SLC47A2: variants seen among roughly 807,000 people sequenced by gnomAD.
The protein encoded by SLC47A2 is multidrug and toxin extrusion protein 2.
Under a neutral mutation model 67.7 loss-of-function variants are expected in SLC47A2, and 52 were observed. The observed-to-expected ratio is 0.77, with a 90% confidence interval of 0.61 to 0.97. The LOEUF is 0.97. Ranked by LOEUF, SLC47A2 falls within the 50% of genes least tolerant of loss-of-function variation. The pLI is 0.00. For missense variants in SLC47A2, 676 were observed against 712.3 expected, an observed-to-expected ratio of 0.95 and a Z score of 0.58; for synonymous variants, 278 against 292.9, an observed-to-expected ratio of 0.95 and a Z score of 0.52.
chr17:19,702,534 G>T, intron 13 of SLC47A2, 71 bp downstream of exon 13: 6 of 1,593,924 alleles, frequency 3.8e-6, no homozygotes, highest in Non-Finnish European at 4.3e-6. Flanking sequence ...AGCCCTGCGA[G>T]GTCCTGGGGA....
chr17:19,706,399 A>G (rs908159090), intron 9 of SLC47A2, among the ~76,000 whole-genome samples: 2 of 152,218 alleles, frequency 1.3e-5, no homozygotes, highest in African/African-American at 4.8e-5. Flanking sequence ...AAAAGGCCCA[A>G]GTCTGCCTCC....
At chr17:19,697,935 T>TTTAG (rs1191368623) in intron 13 of SLC47A2, among the ~76,000 whole-genome samples, 1 of 152,000 alleles carries the variant, frequency 6.6e-6, no homozygotes. Flanking sequence ...AAATAGAAAT[T>TTTAG]TCACTGAAGG....
chr17:19,679,048 A>G, intron 16 of SLC47A2, 142 bp from the exon 17 acceptor site: 1 of 661,420 alleles, frequency 1.5e-6, no homozygotes. Flanking sequence ...TAGAAAAATA[A>G]CTGCTTTATC....
At chr17:19,704,206 C>T in intron 10 of SLC47A2, 28 bp from the exon 11 acceptor site, 4 of 1,575,538 alleles carry the variant, frequency 2.5e-6, no homozygotes, top group South Asian at 2.3e-5. Flanking sequence ...AAAGCACTGT[C>T]AGTGGGCCCA....
intron 4 of SLC47A2, 112 bp downstream of exon 4, chr17:19,713,713 G>T: frequency 7.0e-7 from 1 of 1,436,802 alleles, no homozygotes; most frequent in Non-Finnish European, 9.3e-7. Flanking sequence ...TGCACTGTGA[G>T]CACTCGTGGC....
intron 13 of SLC47A2, among the ~76,000 whole-genome samples, chr17:19,686,272 A>T (rs2085426633): frequency 6.6e-6 from 1 of 152,130 alleles, no homozygotes; most frequent in South Asian, 2.1e-4. Flanking sequence ...CAAATAAATA[A>T]ATAATATTGC....
chr17:19,690,799 G>T (rs2085523120), intron 13 of SLC47A2, among the ~76,000 whole-genome samples: 1 of 151,990 alleles, frequency 6.6e-6, no homozygotes, highest in Non-Finnish European at 1.5e-5. Flanking sequence ...GGCACTAATG[G>T]ATGCTAGGGA....
chr17:19,716,170 G>A (rs1411805512), intron 1 of SLC47A2: 4 of 456,858 alleles, frequency 8.8e-6, no homozygotes, highest in African/African-American at 2.0e-5. Flanking sequence ...AGGCTTTTGT[G>A]GGTTTCCAGC....
At chr17:19,682,321 A>G (rs2085331444) in intron 13 of SLC47A2, among the ~76,000 whole-genome samples, 1 of 145,340 alleles carries the variant, frequency 6.9e-6, no homozygotes, top group African/African-American at 2.5e-5. Flanking sequence ...CGACAGAGCG[A>G]GACTTGGTCA....
chr17:19,700,913 C>A (rs553855361), intron 13 of SLC47A2, among the ~76,000 whole-genome samples: 1 of 151,956 alleles, frequency 6.6e-6, no homozygotes, highest in East Asian at 1.9e-4. Flanking sequence ...CACCTGTAAT[C>A]CCAGCGCATT....
intron 13 of SLC47A2, among the ~76,000 whole-genome samples, chr17:19,691,313 C>T (rs1437897728): frequency 6.6e-6 from 1 of 152,142 alleles, no homozygotes; most frequent in East Asian, 1.9e-4. Context: ...ATATTTATTG[C>T]ACTATTCACA....
Position 19,713,846 on chromosome 17 carries a change from C to G in SLC47A2, c.422G>C (p.Arg141Pro), listed in dbSNP as rs759258257. 2 of 1,612,884 alleles carry G rather than the reference C, an allele frequency of 1.2e-6. No individual in the cohort carries two copies. The highest frequency in any genetic ancestry group is 2.7e-5 in the African/African-American group (2 of 74,922). Reference sequence around the variant, plus strand: ...GCACCTGGACACGTCCGGGTCCTGCCGGAAGAGCAGCAGGATGTGCTGGGT... The same window carrying G: ...GCACCTGGACACGTCCGGGTCCTGCGGGAAGAGCAGCAGGATGTGCTGGGT... ...LNTQHILLLF[R>P]QDPDVSRLTQ... is the part of the protein sequence containing the mutation. Residue 141 changes from arginine (R) to proline (P), a missense_variant, in exon 4 of 17, where the codon CGG (arginine) becomes CCG (proline). Coordinates refer to ENST00000433844, the MANE Select transcript of SLC47A2 (RefSeq NM_001099646.3).
chr17:19,684,999 C>A (rs1245090581), intron 13 of SLC47A2, among the ~76,000 whole-genome samples: 1 of 152,146 alleles, frequency 6.6e-6, no homozygotes, highest in South Asian at 2.1e-4. Context: ...GCACGCGCTG[C>A]CACTCCTGAC....
At chr17:19,714,308 A>T in intron 3 of SLC47A2, 1 of 379,984 alleles carries the variant, frequency 2.6e-6, no homozygotes, top group African/African-American at 2.0e-5. Context: ...CCGCTTTGTG[A>T]CCCCATGGCC....
At chr17:19,692,345 A>G in intron 13 of SLC47A2, 1 of 415,438 alleles carries the variant, frequency 2.4e-6, no homozygotes, top group Non-Finnish European at 4.7e-6. Context: ...TACCAAAATC[A>G]GAAATGAAAA....
intron 5 of SLC47A2, among the ~76,000 whole-genome samples, chr17:19,709,932 A>G (rs1304148438): frequency 1.3e-5 from 2 of 152,196 alleles, no homozygotes; most frequent in Admixed American, 6.5e-5. Flanking sequence ...GAGCAGCCCT[A>G]TAAGGGGGTT....
rs531244562 is a variant in SLC47A2, at chr17:19,703,433, G to A, written c.1019-266C>T. 2.2e-4 allele frequency among the ~76,000 whole-genome samples: 33 copies of A among 152,366 alleles called. 1 individual carries two copies. In the South Asian group the frequency reaches 6.4e-3, roughly 30 times the overall value. On this transcript the variant is annotated intron_variant, in intron 11 of 16. Coordinates refer to ENST00000433844, the MANE Select transcript of SLC47A2 (RefSeq NM_001099646.3). ...GCTGGCGCAGCAGCATTAGCATCAC[G>A]TGGGAACTTGTTAGAAACAGATTCT...
intron 13 of SLC47A2, among the ~76,000 whole-genome samples, chr17:19,688,854 C>T (rs1177895027): frequency 3.3e-5 from 5 of 150,344 alleles, no homozygotes; most frequent in South Asian, 2.1e-4. Flanking sequence ...CACTGTGCCC[C>T]GCTGGTGATA....
intron 13 of SLC47A2, among the ~76,000 whole-genome samples, chr17:19,691,722 A>G (rs187837397): frequency 4.6e-5 from 7 of 152,360 alleles, no homozygotes; most frequent in Admixed American, 3.9e-4. Flanking sequence ...ATAATTTATT[A>G]TACATTTTAA....
Sources: gnomAD v4.1 joint callset for allele counts (sites outside exome capture counted in the v4.1 genomes callset) on GRCh38, gnomAD v4.1.1 for gene constraint, MANE v1.5 for transcripts, NCBI Gene and HGNC (gene_info 2026-07-23, HGNC 2026-07-21) for gene names.